The following ABCA7 variants were observed in gnomAD, a reference collection of about 807,000 sequenced individuals.
The protein encoded by ABCA7 is phospholipid-transporting ATPase ABCA7.
Under a neutral mutation model 227.6 loss-of-function variants are expected in ABCA7, and 261 were observed. That is an observed-to-expected ratio of 1.15 (90% CI 1.04 to 1.27). ABCA7 has a LOEUF of 1.27. Among genes scored for constraint, ABCA7 ranks in the 50% most tolerant of loss-of-function variants. ABCA7 has a pLI of 0.00. For synonymous variants in ABCA7, 1,488 were observed against 1,279.7 expected (o/e 1.16, Z -3.47); for missense variants, 3,331 against 2,924.5 (o/e 1.14, Z -3.21).
Position 1,058,195 on chromosome 19 carries a change from C to T in ABCA7, c.5075C>T (p.Pro1692Leu), listed in dbSNP as rs1053464551. 1 of 1,613,662 alleles carries T rather than the reference C, an allele frequency of 6.2e-7. No homozygotes were observed. The highest frequency in any genetic ancestry group is 1.7e-5 in the Admixed American group (1 of 59,948). ...RILKQVFLIF[P>L]HFCLGRGLID... ...TTGAAACAGGTCTTCCTTATCTTCCCCCACTTCTGCTTGGGCCGGGGGCTC... is the reference window on the plus strand; with the variant it reads ...TTGAAACAGGTCTTCCTTATCTTCCTCCACTTCTGCTTGGGCCGGGGGCTC... Residue 1692 changes from proline (P) to leucine (L), a missense_variant, in exon 37 of 47, where the codon CCC becomes CTC. Transcript: ENST00000263094.
At chr19:1,048,514 A>C (rs1269995345) in intron 16 of ABCA7, among the ~76,000 whole-genome samples, 13 of 141,312 alleles carry the variant, frequency 9.2e-5, no homozygotes, top group African/African-American at 1.6e-4. Flanking sequence ...AAAAAACAAA[A>C]AAAAAAAAAA....
intron 40 of ABCA7, among the ~76,000 whole-genome samples, chr19:1,061,123 G>A (rs1205043098): frequency 6.6e-6 from 1 of 152,042 alleles, no homozygotes; most frequent in African/African-American, 2.4e-5. Flanking sequence ...GAGGCCAGGC[G>A]TGGTGGCTCA....
At chr19:1,063,925 C>A in intron 44 of ABCA7, 62 bp downstream of exon 44, 1 of 1,470,976 alleles carries the variant, frequency 6.8e-7, no homozygotes, top group South Asian at 1.3e-5. Flanking sequence ...AGAGAGAGCC[C>A]CAAAGCACAA....
At chr19:1,047,795 A>T (rs1289306180) in intron 16 of ABCA7, 141 bp downstream of exon 16, 2 of 852,732 alleles carry the variant, frequency 2.3e-6, no homozygotes, top group Non-Finnish European at 3.4e-6. Flanking sequence ...TGGCACACGC[A>T]TGCAGGTGGC....
rs144157857 is a variant in ABCA7 at position 1,046,178 on chromosome 19, C to G, written c.1446-52C>G. 1,465 of 1,587,258 alleles carry G rather than the reference C, an allele frequency of 9.2e-4. 14 individuals carry two copies. In the African/African-American group the frequency reaches 0.018, roughly 19 times the overall value. Reference sequence around the variant, plus strand: ...AGAAAAAGGTTATTCAGGGTGGGGCCCCGGGAGTTTCTAGCCCTTCCCTAC... The same window carrying G: ...AGAAAAAGGTTATTCAGGGTGGGGCGCCGGGAGTTTCTAGCCCTTCCCTAC... On this transcript the variant is annotated intron_variant, in intron 12 of 46. Transcript: ENST00000263094.
chr19:1,046,848 G>T lies in ABCA7; in HGVS notation c.1669G>T (p.Ala557Ser). 6.5e-7 allele frequency: 1 copy of T among 1,542,194 alleles called. No individual in the cohort carries two copies. The highest frequency in any genetic ancestry group is 8.7e-7 in the Non-Finnish European group (1 of 1,148,594). Residue 557 changes from alanine to serine, a missense_variant, in exon 14 of 47, where the codon GCC becomes TCC. Physicochemically the swap from Ala to Ser is moderately conservative, Grantham distance 99. Transcript: ENST00000263094. ...SRSLPLFLTL[A>S]WIYSVTLTVK... ...GTCGCTGCCGCTCTTCCTGACGCTG[G>T]CCTGGATCTACTCCGTGACACTGAC...
At chr19:1,061,256 G>C (rs2042632313) in intron 40 of ABCA7, among the ~76,000 whole-genome samples, 2 of 151,870 alleles carry the variant, frequency 1.3e-5, no homozygotes, top group African/African-American at 4.8e-5. Context: ...AATTAGCCGG[G>C]CTTGGTGGCA....
intron 35 of ABCA7, 27 bp downstream of exon 35, chr19:1,057,456 A>G: frequency 6.3e-7 from 1 of 1,584,166 alleles, no homozygotes; most frequent in African/African-American, 1.3e-5. Flanking sequence ...CTCAGGGCCT[A>G]TTCTTACTGA....
intron 16 of ABCA7, 87 bp downstream of exon 16, chr19:1,047,741 G>T: frequency 1.4e-6 from 2 of 1,387,566 alleles, no homozygotes; most frequent in Admixed American, 2.4e-5. Flanking sequence ...GGCCGTTTGG[G>T]GGTGGGGGGT....
chr19:1,049,421 G>A lies in ABCA7; in HGVS notation c.2536G>A (p.Gly846Ser), dbSNP rs1415086439. 1.2e-6 allele frequency: 2 copies of A among 1,604,788 alleles called. No homozygotes were observed. The highest frequency in any genetic ancestry group is 4.5e-5 in the East Asian group (2 of 44,588). ...ITAFLGHNGA[G>S]KTTTLSILSG... is the part of the protein sequence containing the mutation. The stretch of plus-strand genomic sequence containing the variant: ...CGCCTTCCTGGGCCACAACGGGGCC[G>A]GCAAGACCACCACCCTGTGAGCCCC... The change falls in exon 18 of 47, where the codon GGC becomes AGC. Residue 846 changes from glycine to serine, a missense_variant. Coordinates refer to ENST00000263094, the MANE Select transcript of ABCA7 (RefSeq NM_019112.4).
rs1568210811 is a variant in ABCA7 at position 1,041,267 on chromosome 19, C to A, written c.-95C>A. The A allele has an allele frequency of 7.9e-7, 1 of 1,259,346 alleles. No homozygotes were observed. The highest frequency in any genetic ancestry group is 1.2e-6 in the Non-Finnish European group (1 of 863,112). 78.0% of individuals were successfully genotyped at this position (1,259,346 alleles called of 1,614,324 possible). ...CGCTGTGGGATAAAGGAATGAGGTT[C>A]AGAAAGGGGCAGGGAGTTGCCCGCA... On this transcript the variant is annotated 5_prime_UTR_variant, in exon 2 of 47. Coordinates refer to ENST00000263094, the MANE Select transcript of ABCA7 (RefSeq NM_019112.4).
chr19:1,045,397 G>A (rs1046967364), intron 12 of ABCA7, 166 bp downstream of exon 12: 14 of 699,908 alleles, frequency 2.0e-5, no homozygotes, highest in Non-Finnish European at 2.3e-5. Context: ...ACCAATAGGG[G>A]CCCGTGATGG....
chr19:1,054,907 C>T lies in ABCA7; in HGVS notation c.3950+29C>T, dbSNP rs967231975. On this transcript the variant is annotated intron_variant, in intron 29 of 46. Coordinates refer to ENST00000263094, the MANE Select transcript of ABCA7 (RefSeq NM_019112.4). This position sits in a 1 kb window ranked among gnomAD's most constrained non-coding sequence, Gnocchi z 4.8. Reference sequence around the variant, plus strand: ...AGGCGTCTTGTTGGCCTGGACCTTTCCCCTCTCTGGCCTCAGTTTTCCCAT... The same window carrying T: ...AGGCGTCTTGTTGGCCTGGACCTTTTCCCTCTCTGGCCTCAGTTTTCCCAT... The T allele has an allele frequency of 6.5e-7, 1 of 1,549,154 alleles. No individual in the cohort carries two copies. The highest frequency in any genetic ancestry group is 2.3e-4 in the Middle Eastern group (1 of 4,374).
At position 1,054,964 on chromosome 19, in the gene ABCA7, C is replaced by T; in HGVS notation, c.3950+86C>T. 2.6e-6 allele frequency: 4 copies of T among 1,546,518 alleles called. No homozygotes were observed. Among genetic ancestry groups the T allele is most frequent in the Non-Finnish European group, 3.5e-6 (4 of 1,141,822 alleles). On this transcript the variant is annotated intron_variant, in intron 29 of 46. Transcript: ENST00000263094. The surrounding 1 kb of genome is among the most constrained non-coding windows in gnomAD (Gnocchi z 4.8). Reference sequence around the variant, plus strand: ...CCTGGCCAGGGAGCCTCAGGGGGCACCTGGAGCATCCCCTGTGCCCACCTG... The same window carrying T: ...CCTGGCCAGGGAGCCTCAGGGGGCATCTGGAGCATCCCCTGTGCCCACCTG...
intron 10 of ABCA7, 87 bp from the exon 11 acceptor site, chr19:1,044,490 C>A (rs1165579365): frequency 7.4e-6 from 11 of 1,485,722 alleles, no homozygotes; most frequent in East Asian, 2.3e-5. Context: ...TCAGGTGATC[C>A]ACCCGCCTCG....
intron 42 of ABCA7, among the ~76,000 whole-genome samples, chr19:1,062,975 A>C: frequency 8.3e-6 from 1 of 120,086 alleles, no homozygotes; most frequent in Non-Finnish European, 1.8e-5. Flanking sequence ...TGCTGGCTCC[A>C]CCCACACCAT....
intron 42 of ABCA7, among the ~76,000 whole-genome samples, chr19:1,062,771 TCCCA>T (rs2042746778): frequency 1.4e-5 from 2 of 147,322 alleles, no homozygotes; most frequent in Non-Finnish European, 3.0e-5. Context: ...CCTCACACTG[TCCCA>T]CCCCATGCCC....
chr19:1,041,052 A>G (rs1370049447), intron 1 of ABCA7, 173 bp from the exon 2 acceptor site: 8 of 441,002 alleles, frequency 1.8e-5, no homozygotes, highest in Admixed American at 3.7e-5. Flanking sequence ...CGGTCCCTGG[A>G]GGATTAGAGG....
chr19:1,047,074 G>C (rs1489502659), intron 14 of ABCA7, 50 bp downstream of exon 14: 10 of 1,551,376 alleles, frequency 6.4e-6, no homozygotes, highest in Non-Finnish European at 7.8e-6. Context: ...GCTGGAGGGT[G>C]ACAGACAGGG....
Sources: allele counts gnomAD v4.1 joint callset (sites outside exome capture counted in the v4.1 genomes callset), GRCh38; gene constraint gnomAD v4.1.1; non-coding constraint Gnocchi (gnomAD v3.1); transcripts MANE v1.5; gene names NCBI Gene and HGNC (gene_info 2026-07-23, HGNC 2026-07-21).